FREM1: variants seen among roughly 807,000 people sequenced by gnomAD.
FREM1 encodes the protein FRAS1-related extracellular matrix protein 1.
In FREM1, 220 loss-of-function variants were observed where a neutral mutation model predicts 210.1. The observed-to-expected ratio is 1.05, with a 90% confidence interval of 0.94 to 1.17. The LOEUF (loss-of-function observed/expected upper bound fraction) is 1.17. Among genes scored for constraint, FREM1 ranks in the 50% most tolerant of loss-of-function variants. The probability of loss-of-function intolerance (pLI) is 0.00; values close to 1 mark genes in which losing one functional copy is unlikely to be tolerated. For synonymous variants in FREM1, 1,189 were observed against 980.2 expected (o/e 1.21, Z -3.98); for missense variants, 3,454 against 2,675.5 (o/e 1.29, Z -6.42).
At chr9:14,773,553 G>C (rs189053984) in intron 25 of FREM1, among the ~76,000 whole-genome samples, 2 of 151,322 alleles carry the variant, frequency 1.3e-5, no homozygotes, top group African/African-American at 4.9e-5. Context: ...GGGTTCTGGG[G>C]AATTATGGGA....
chr9:14,884,660 T>C (rs1835444978), intron 1 of FREM1, among the ~76,000 whole-genome samples: 1 of 152,168 alleles, frequency 6.6e-6, no homozygotes, highest in African/African-American at 2.4e-5. Flanking sequence ...ATTCTTCATG[T>C]TGATATAAAC....
In FREM1 at chr9:14,797,614, GTCA is replaced by G. The variant is rs748112976; in HGVS notation, c.3720_3722del (p.Asp1241del). On this transcript the variant is annotated inframe_deletion, in exon 21 of 37. Transcript: ENST00000380880. ...TAAAATCATCAGCAAGGCTCTCTGA[GTCA>G]TCATGCATGTACGTCAACCTCATTC... 2.0e-4 allele frequency: 325 copies of G among 1,611,872 alleles called. 1 individual carries two copies. Among genetic ancestry groups the G allele is most frequent in the Non-Finnish European group, 7.0e-5 (83 of 1,178,658 alleles).
intron 9 of FREM1, 106 bp from the exon 10 acceptor site, chr9:14,841,695 T>A: frequency 2.9e-5 from 21 of 728,318 alleles, no homozygotes; most frequent in Non-Finnish European, 3.9e-5. Flanking sequence ...TAGTACATTC[T>A]ATGTACCCAA....
In FREM1 at chr9:14,791,918, T is replaced by TC. The variant is rs1308011927; in HGVS notation, c.3981+824dup. On this transcript the variant is annotated intron_variant, in intron 22 of 36. Transcript: ENST00000380880. ...CACAATCTCAGCTCACTGCAACCTC[T>TC]CCCCCCTCTCCCGGGTTCAAGTAAT... is the stretch of plus-strand genomic sequence containing the variant. Among the ~76,000 whole-genome samples the TC allele has an allele frequency of 3.8e-3, 571 of 150,704 alleles. 7 individuals are homozygous for TC. Among genetic ancestry groups the TC allele is most frequent in the Non-Finnish European group, 6.0e-3 (406 of 67,286 alleles).
At position 14,841,476 on chromosome 9, in the gene FREM1, G is replaced by A. The variant is rs1825688354; in HGVS notation, c.1852C>T (p.His618Tyr). ...GGCACTGAAAGATTTGGAGGTTCAT[G>A]GCTGTCCCACAGGACAAATTGAAAA... The part of the protein sequence containing the change: ...DSFQFVLWDS[H>Y]EPPNLSVPQV... The change falls in exon 10 of 37, where the codon CAT (histidine) becomes TAT (tyrosine). Residue 618 changes from histidine to tyrosine, a missense_variant. By Grantham distance (83) the His-to-Tyr change is moderately conservative. Coordinates refer to ENST00000380880, the MANE Select transcript of FREM1 (RefSeq NM_001379081.2). 6.2e-7 allele frequency: 1 copy of A among 1,610,358 alleles called. No homozygotes were observed. Among genetic ancestry groups the A allele is most frequent in the Non-Finnish European group, 8.5e-7 (1 of 1,177,434 alleles).
intron 16 of FREM1, 120 bp downstream of exon 16, chr9:14,812,692 C>T: frequency 1.1e-5 from 11 of 1,013,304 alleles, no homozygotes; most frequent in Non-Finnish European, 1.6e-5. Context: ...CAGGCTGCAG[C>T]TGCTTCTTGT....
chr9:14,819,722 T>A (rs1306369139), intron 13 of FREM1, among the ~76,000 whole-genome samples: 1 of 152,260 alleles, frequency 6.6e-6, no homozygotes. Flanking sequence ...ATAGTAGAAT[T>A]GGCAATCATT....
chr9:14,892,376 A>G (rs930643231), intron 1 of FREM1, among the ~76,000 whole-genome samples: 7 of 152,118 alleles, frequency 4.6e-5, no homozygotes, highest in Admixed American at 6.5e-5. Flanking sequence ...TAGAAGCCCA[A>G]CTAAGGAGAG....
At chr9:14,784,327 A>G (rs1322423831) in intron 24 of FREM1, 43 bp downstream of exon 24, 1 of 1,580,620 alleles carries the variant, frequency 6.3e-7, no homozygotes, top group African/African-American at 1.3e-5. Context: ...TTCTGTAAGT[A>G]TTAATCCAAA....
chr9:14,823,252 A>C lies in FREM1; in HGVS notation c.2245T>G (p.Phe749Val), dbSNP rs750085312. Reference protein sequence around the residue: ...DIGPHCRDVQFTFSVSNQHGG... With the variant: ...DIGPHCRDVQVTFSVSNQHGG... ...TGTTGGTTACTGACAGAAAATGTGA[A>C]CTGGACATCTCTGCAATGGGGACCA... Residue 749 changes from phenylalanine (F) to valine (V), a missense_variant, in exon 13 of 37, where the codon TTC becomes GTC. By Grantham distance (50) the Phe-to-Val change is conservative. Coordinates refer to ENST00000380880, the MANE Select transcript of FREM1 (RefSeq NM_001379081.2). 18 of 1,613,858 alleles carry C rather than the reference A, an allele frequency of 1.1e-5. No individual in the cohort carries two copies. The highest frequency in any genetic ancestry group is 1.4e-5 in the Non-Finnish European group (16 of 1,179,862).
intron 1 of FREM1, among the ~76,000 whole-genome samples, chr9:14,904,760 GT>G (rs1013115440): frequency 2.6e-5 from 4 of 152,018 alleles, no homozygotes; most frequent in Non-Finnish European, 5.9e-5. Context: ...TTTTAACTGT[GT>G]CCGACTGTCC....
At chr9:14,905,959 G>C (rs1365335023) in intron 1 of FREM1, among the ~76,000 whole-genome samples, 1 of 152,036 alleles carries the variant, frequency 6.6e-6, no homozygotes, top group African/African-American at 2.4e-5. Flanking sequence ...TAAAGGCCAC[G>C]GGAGTGGTGG....
rs750283178 is a variant in FREM1 at position 14,806,668 on chromosome 9, T to G, written c.3267A>C (p.Ile1089=). The stretch of plus-strand genomic sequence containing the variant: ...GACGAAGCTACAGCTTACCTATACT[T>G]ATGCCAATATTGCTTTTTTCAAAAC... ...SVGFEKSNIG[I]SIDSFQWKDM... The change falls in exon 18 of 37, where the codon ATA becomes ATC. Residue 1089 remains isoleucine, a synonymous_variant. Transcript: ENST00000380880. The G allele has an allele frequency of 7.6e-6, 12 of 1,579,962 alleles. No homozygotes were observed. The highest frequency in any genetic ancestry group is 9.5e-6 in the Non-Finnish European group (11 of 1,155,840).
At chr9:14,860,940 C>CATATACATATATACACAT (rs1830119019) in intron 3 of FREM1, among the ~76,000 whole-genome samples, 1 of 67,220 alleles carries the variant, frequency 1.5e-5, no homozygotes, top group African/African-American at 8.6e-5. Context: ...CATATACACA[C>CATATACATATATACACAT]ATATACACAT....
At chr9:14,851,948 G>A (rs973804037) in intron 5 of FREM1, among the ~76,000 whole-genome samples, 1 of 152,140 alleles carries the variant, frequency 6.6e-6, no homozygotes, top group Non-Finnish European at 1.5e-5. Flanking sequence ...CTTTTAATTT[G>A]TGTGATTTTA....
rs552170977 is a variant in FREM1, at chr9:14,828,293, A to T, written c.1882-3301T>A. Among the ~76,000 whole-genome samples, 4 of 152,336 alleles carry T rather than the reference A, an allele frequency of 2.6e-5. No homozygotes were observed. In the South Asian group the frequency reaches 8.3e-4, roughly 32 times the overall value. On this transcript the variant is annotated intron_variant, in intron 10 of 36. Coordinates refer to ENST00000380880, the MANE Select transcript of FREM1 (RefSeq NM_001379081.2). ...GACACAGAGTCAAAGAAGATTATTC[A>T]CAAGCCTCAAGACTTAATATTGTTT...
chr9:14,768,542 C>G (rs17218879), intron 27 of FREM1, among the ~76,000 whole-genome samples: 42,588 of 151,846 alleles, frequency 0.28, 6,515 homozygotes, highest in Middle Eastern at 0.42. Context: ...TTCCCCAGCT[C>G]CTAGTACTGT....
At chr9:14,790,445 T>C (rs957281277) in intron 22 of FREM1, among the ~76,000 whole-genome samples, 1 of 152,210 alleles carries the variant, frequency 6.6e-6, no homozygotes, top group Non-Finnish European at 1.5e-5. Flanking sequence ...CAATATAATT[T>C]TTAAAACAGA....
intron 10 of FREM1, among the ~76,000 whole-genome samples, chr9:14,839,075 C>T (rs891403231): frequency 1.3e-5 from 2 of 152,096 alleles, no homozygotes; most frequent in African/African-American, 4.8e-5. Flanking sequence ...TTTAATTTAT[C>T]GCAACTATAA....
Sources: allele counts gnomAD v4.1 joint callset (sites outside exome capture counted in the v4.1 genomes callset), GRCh38; gene constraint gnomAD v4.1.1; transcripts MANE v1.5; gene names NCBI Gene and HGNC (gene_info 2026-07-23, HGNC 2026-07-21).